The following TSPAN13 variants were observed in gnomAD, a reference collection of about 807,000 sequenced individuals.
The protein encoded by TSPAN13 is tetraspanin 13.
TSPAN13 carries 18 observed loss-of-function variants against 26.9 expected under a neutral mutation model. The ratio of observed to expected loss-of-function variants is 0.67; its 90% CI spans 0.46 to 0.99. The LOEUF is 0.99. TSPAN13 is among the 50% of genes least tolerant of loss of function. TSPAN13 has a pLI of 0.00. For synonymous variants in TSPAN13, 116 were observed against 98.4 expected (o/e 1.18, Z -1.06); for missense variants, 201 against 249.6 (o/e 0.81, Z 1.31).
intron 1 of TSPAN13, among the ~76,000 whole-genome samples, chr7:16,772,724 G>A (rs57205126): frequency 0.013 from 1,911 of 152,236 alleles, 36 homozygotes; most frequent in African/African-American, 0.043. Flanking sequence ...GGCCGGGCGC[G>A]GTGGCTCATG....
At chr7:16,758,080 C>G (rs1378195224) in intron 1 of TSPAN13, among the ~76,000 whole-genome samples, 1 of 152,078 alleles carries the variant, frequency 6.6e-6, no homozygotes, top group Non-Finnish European at 1.5e-5. Flanking sequence ...GGCGATCCAC[C>G]CGCCTCGGTC....
intron 1 of TSPAN13, among the ~76,000 whole-genome samples, chr7:16,760,158 G>A (rs777613796): frequency 3.3e-5 from 5 of 152,170 alleles, no homozygotes; most frequent in Admixed American, 6.5e-5. Flanking sequence ...CCAATGGTGT[G>A]TTTAGGTTTG....
rs116218745 is a variant in TSPAN13, at chr7:16,757,001, C to A, written c.63+2971C>A. ...TTGTATTCAGTCAATAAACTTTTGT[C>A]TACTGTGTGCACTCTTTTGAGAACT... On this transcript the variant is annotated intron_variant, in intron 1 of 5. Transcript: ENST00000262067. 5.1e-4 allele frequency among the ~76,000 whole-genome samples: 78 copies of A among 152,228 alleles called. 1 individual carries two copies. Among genetic ancestry groups the A allele is most frequent in the African/African-American group, 1.8e-3 (75 of 41,522 alleles).
At chr7:16,755,292 A>G (rs1012949057) in intron 1 of TSPAN13, among the ~76,000 whole-genome samples, 2 of 152,204 alleles carry the variant, frequency 1.3e-5, no homozygotes, top group Non-Finnish European at 2.9e-5. Context: ...GTTCCTTTGT[A>G]TGTGAACATG....
In TSPAN13 at chr7:16,779,012, A is replaced by G. The variant is rs753900317; in HGVS notation, c.436A>G (p.Lys146Glu). The G allele has an allele frequency of 2.5e-6, 4 of 1,612,106 alleles. No individual in the cohort carries two copies. The African/African-American group carries it at 5.3e-5, about 22-fold the overall frequency. ...PNDTCLASCV[K>E]SDHSCSPCAP... ...ACTTTAATTGGTGCAGAGCTGTGTT[A>G]AAAGTGACCACTCGTGCTCGCCATG... Residue 146 changes from lysine to glutamate, a missense_variant, in exon 5 of 6, where the codon AAA becomes GAA. Physicochemically the swap from Lys to Glu is moderately conservative, Grantham distance 56. Transcript: ENST00000262067.
chr7:16,757,594 C>T (rs1209771497), intron 1 of TSPAN13, among the ~76,000 whole-genome samples: 3 of 151,966 alleles, frequency 2.0e-5, no homozygotes, highest in African/African-American at 4.8e-5. Context: ...TAAGAGTTGC[C>T]CTGCCAGTTT....
At chr7:16,782,792 G>T (rs1181060846) in intron 5 of TSPAN13, among the ~76,000 whole-genome samples, 2 of 152,046 alleles carry the variant, frequency 1.3e-5, no homozygotes, top group African/African-American at 4.8e-5. Context: ...AGACTACTTT[G>T]ACTTTGTATT....
chr7:16,779,151 C>T (rs1784786903), intron 5 of TSPAN13, 35 bp downstream of exon 5: 1 of 1,512,800 alleles, frequency 6.6e-7, no homozygotes, highest in Non-Finnish European at 9.1e-7. Context: ...CCTCCTTTGT[C>T]ACAGAGATTC....
intron 5 of TSPAN13, among the ~76,000 whole-genome samples, chr7:16,783,178 G>C (rs1025781682): frequency 2.6e-4 from 39 of 152,200 alleles, no homozygotes; most frequent in Admixed American, 2.2e-3. Context: ...GGTCGTAGGG[G>C]TTAGGACATG....
intron 2 of TSPAN13, among the ~76,000 whole-genome samples, chr7:16,776,820 A>C (rs1315172267): frequency 6.6e-6 from 1 of 152,160 alleles, no homozygotes; most frequent in Non-Finnish European, 1.5e-5. Context: ...ATCTAGTTTT[A>C]GTTATGTAAT....
intron 3 of TSPAN13, among the ~76,000 whole-genome samples, chr7:16,777,480 A>G (rs568755525): frequency 6.6e-6 from 1 of 152,318 alleles, no homozygotes; most frequent in African/African-American, 2.4e-5. Flanking sequence ...ATTCGTAGAC[A>G]AATCCAGGTT....
At chr7:16,756,422 T>C (rs994320495) in intron 1 of TSPAN13, among the ~76,000 whole-genome samples, 1 of 152,210 alleles carries the variant, frequency 6.6e-6, no homozygotes, top group Non-Finnish European at 1.5e-5. Flanking sequence ...GGCAGATGCC[T>C]GAAACATCAT....
intron 5 of TSPAN13, 90 bp downstream of exon 5, chr7:16,779,206 A>G: frequency 1.1e-6 from 1 of 916,132 alleles, no homozygotes; most frequent in Non-Finnish European, 1.7e-6. Context: ...ATCAGTGAGC[A>G]TTTTCATTGA....
chr7:16,754,789 G>A (rs923933329), intron 1 of TSPAN13, among the ~76,000 whole-genome samples: 4 of 152,044 alleles, frequency 2.6e-5, no homozygotes, highest in African/African-American at 9.7e-5. Context: ...GGCTCTCTTT[G>A]TGATTTTTTG....
rs556408156 is a variant in TSPAN13, at chr7:16,767,632, T to C, written c.64-8579T>C. ...TCCTAGGTGGTGTTAATTTGTTATA[T>C]AAAGTAGCTACAACAATTTATATTC... On this transcript the variant is annotated intron_variant, in intron 1 of 5. Coordinates refer to ENST00000262067, the MANE Select transcript of TSPAN13 (RefSeq NM_014399.4). Among the ~76,000 whole-genome samples the C allele has an allele frequency of 3.9e-4, 59 of 152,316 alleles. 1 individual carries two copies. Among genetic ancestry groups the C allele is most frequent in the African/African-American group, 1.3e-3 (55 of 41,558 alleles).
Position 16,753,790 on chromosome 7 carries a change from G to C in TSPAN13, c.-178G>C, listed in dbSNP as rs1784448221. 9.7e-6 allele frequency: 5 copies of C among 513,246 alleles called. No homozygotes were observed. Among genetic ancestry groups the C allele is most frequent in the African/African-American group, 4.9e-5 (2 of 40,882 alleles). 31.8% of individuals were successfully genotyped at this position (513,246 alleles called of 1,614,324 possible). On this transcript the variant is annotated 5_prime_UTR_variant, in exon 1 of 6. Transcript: ENST00000262067. ...TGCGGCGGCCGCAGGTTCCAAAGCGGGTCCGAGCCGCCGCCGCGCGCGCGC... is the reference window on the plus strand; with the variant it reads ...TGCGGCGGCCGCAGGTTCCAAAGCGCGTCCGAGCCGCCGCCGCGCGCGCGC...
chr7:16,771,592 A>G (rs1784680266), intron 1 of TSPAN13, among the ~76,000 whole-genome samples: 1 of 152,224 alleles, frequency 6.6e-6, no homozygotes, highest in African/African-American at 2.4e-5. Context: ...GGCTTTGAAG[A>G]CAGAGGAAGG....
chr7:16,780,967 A>C (rs1313769635), intron 5 of TSPAN13, among the ~76,000 whole-genome samples: 1 of 152,156 alleles, frequency 6.6e-6, no homozygotes, highest in African/African-American at 2.4e-5. Context: ...TTTTAAGTTT[A>C]TATTTTGCTC....
At chr7:16,768,793 A>G (rs1424758298) in intron 1 of TSPAN13, among the ~76,000 whole-genome samples, 1 of 152,212 alleles carries the variant, frequency 6.6e-6, no homozygotes, top group Non-Finnish European at 1.5e-5. Context: ...GCCTCTCTCA[A>G]AGACTATGCT....
Sources: allele counts gnomAD v4.1 joint callset (sites outside exome capture counted in the v4.1 genomes callset), GRCh38; gene constraint gnomAD v4.1.1; transcripts MANE v1.5; gene names NCBI Gene and HGNC (gene_info 2026-07-23, HGNC 2026-07-21).